DIAPH3: variants seen among roughly 807,000 people sequenced by gnomAD.
The protein encoded by DIAPH3 is diaphanous related formin 3.
Under a neutral mutation model 144.3 loss-of-function variants are expected in DIAPH3, and 117 were observed. The observed-to-expected ratio is 0.81, with a 90% CI of 0.70 to 0.95. The LOEUF is 0.95. Ranked by LOEUF, DIAPH3 falls within the 40% of genes least tolerant of loss-of-function variation. The pLI is 0.00. For synonymous variants in DIAPH3, 519 were observed against 488.9 expected (o/e 1.06, Z -0.81); for missense variants, 1,421 against 1,412.7 (o/e 1.01, Z -0.09).
chr13:60,152,340 GCA>G (rs1435992449), intron 1 of DIAPH3, among the ~76,000 whole-genome samples: 1 of 151,948 alleles, frequency 6.6e-6, no homozygotes, highest in East Asian at 1.9e-4. Context: ...ACATCCCTCA[GCA>G]CACAGAATGA....
At chr13:60,149,935 G>A (rs559763994) in intron 1 of DIAPH3, among the ~76,000 whole-genome samples, 1 of 152,208 alleles carries the variant, frequency 6.6e-6, no homozygotes, top group Non-Finnish European at 1.5e-5. Context: ...ACCTTAATTG[G>A]TGGTCTAGGA....
At chr13:60,149,887 A>C (rs1951705278) in intron 1 of DIAPH3, among the ~76,000 whole-genome samples, 1 of 152,152 alleles carries the variant, frequency 6.6e-6, no homozygotes, top group Non-Finnish European at 1.5e-5. Flanking sequence ...AAAAAGAAAA[A>C]ATAATAAATG....
chr13:59,868,338 T>C (rs1739984009), intron 21 of DIAPH3, among the ~76,000 whole-genome samples: 1 of 152,150 alleles, frequency 6.6e-6, no homozygotes, highest in Non-Finnish European at 1.5e-5. Flanking sequence ...GTTTAGATTG[T>C]TTATACAAAT....
At chr13:59,821,556 C>T (rs1215038584) in intron 24 of DIAPH3, among the ~76,000 whole-genome samples, 1 of 152,090 alleles carries the variant, frequency 6.6e-6, no homozygotes, top group Non-Finnish European at 1.5e-5. Flanking sequence ...ATCTACTTTT[C>T]AGTTTTCCAT....
chr13:60,075,846 C>T (rs779050797), intron 4 of DIAPH3, among the ~76,000 whole-genome samples: 3 of 152,224 alleles, frequency 2.0e-5, no homozygotes, highest in Admixed American at 6.5e-5. Flanking sequence ...TCTGGTGCCA[C>T]GGTCCTCCAG....
intron 17 of DIAPH3, among the ~76,000 whole-genome samples, chr13:59,969,527 G>A (rs1208668168): frequency 6.6e-6 from 1 of 152,084 alleles, no homozygotes; most frequent in Admixed American, 6.6e-5. Context: ...AATGCTATAT[G>A]CTATCCCTCT....
chr13:59,844,337 T>C (rs1303150811), intron 22 of DIAPH3, among the ~76,000 whole-genome samples: 1 of 151,882 alleles, frequency 6.6e-6, no homozygotes, highest in Non-Finnish European at 1.5e-5. Flanking sequence ...ACCCCGTCTC[T>C]ACTAAAAATA....
intron 2 of DIAPH3, among the ~76,000 whole-genome samples, chr13:60,124,209 C>CA (rs907813216): frequency 3.9e-5 from 6 of 152,118 alleles, no homozygotes; most frequent in Non-Finnish European, 8.8e-5. Context: ...TGAAAGCTTC[C>CA]ACTCACTCAC....
intron 14 of DIAPH3, among the ~76,000 whole-genome samples, chr13:59,976,388 T>C (rs774838225): frequency 6.6e-6 from 1 of 151,924 alleles, no homozygotes; most frequent in Non-Finnish European, 1.5e-5. Context: ...CAAAAATAAA[T>C]AAAGTTTAAA....
At chr13:59,822,448 A>ATTTT (rs898418277) in intron 24 of DIAPH3, among the ~76,000 whole-genome samples, 2 of 150,418 alleles carry the variant, frequency 1.3e-5, no homozygotes, top group South Asian at 2.1e-4. Context: ...TTATTTATTT[A>ATTTT]TTTTTTTTTG....
chr13:59,910,074 C>T (rs1157455185), intron 20 of DIAPH3, among the ~76,000 whole-genome samples: 2 of 152,002 alleles, frequency 1.3e-5, no homozygotes, highest in African/African-American at 4.8e-5. Context: ...GTTAGATAGA[C>T]ATTTTCATAT....
intron 1 of DIAPH3, among the ~76,000 whole-genome samples, chr13:60,149,464 A>C (rs1951682955): frequency 6.6e-6 from 1 of 152,234 alleles, no homozygotes; most frequent in South Asian, 2.1e-4. Flanking sequence ...GGAAGGATAC[A>C]AAAGAGCTAG....
chr13:60,163,823 T>C lies in DIAPH3; in HGVS notation c.-57A>G. ...GGTGGCCACTCAGCAAGCCGCAAGC[T>C]GGAAGCTGAGGGATCGACAACAGGT... On this transcript the variant is annotated 5_prime_UTR_variant, in exon 1 of 28. Transcript: ENST00000400324. 6.5e-7 allele frequency: 1 copy of C among 1,534,696 alleles called. No individual in the cohort carries two copies. The highest frequency in any genetic ancestry group is 2.4e-5 in the East Asian group (1 of 40,840).
chr13:59,671,411 A>G (rs1046404604), intron 27 of DIAPH3, among the ~76,000 whole-genome samples: 1 of 152,250 alleles, frequency 6.6e-6, no homozygotes, highest in African/African-American at 2.4e-5. Flanking sequence ...TTTTAAATGG[A>G]AACTAAAAAT....
At chr13:59,823,773 A>T (rs570921360) in intron 24 of DIAPH3, among the ~76,000 whole-genome samples, 1 of 152,338 alleles carries the variant, frequency 6.6e-6, no homozygotes, top group East Asian at 1.9e-4. Context: ...TGTGTAATCT[A>T]AATGATTTGG....
chr13:59,778,827 A>T (rs2038565450), intron 25 of DIAPH3, among the ~76,000 whole-genome samples: 1 of 152,236 alleles, frequency 6.6e-6, no homozygotes, highest in Non-Finnish European at 1.5e-5. Context: ...CTGATAAGTA[A>T]GTCCTACAGC....
At chr13:59,995,717 AAG>A in intron 9 of DIAPH3, among the ~76,000 whole-genome samples, 1 of 151,994 alleles carries the variant, frequency 6.6e-6, no homozygotes, top group African/African-American at 2.4e-5. Flanking sequence ...CAGGCTTGGG[AAG>A]AGAGAGGAAA....
chr13:59,735,049 A>T (rs761282298), intron 27 of DIAPH3, among the ~76,000 whole-genome samples: 28 of 152,172 alleles, frequency 1.8e-4, no homozygotes, highest in Non-Finnish European at 3.7e-4. Flanking sequence ...TATTCCAGAT[A>T]TGATGTCATG....
intron 5 of DIAPH3, among the ~76,000 whole-genome samples, chr13:60,028,893 T>C (rs1357711252): frequency 6.6e-6 from 1 of 152,034 alleles, no homozygotes; most frequent in African/African-American, 2.4e-5. Flanking sequence ...ACCCCATCTC[T>C]ACTAAAAATA....
Sources: allele counts gnomAD v4.1 joint callset (sites outside exome capture counted in the v4.1 genomes callset), GRCh38; gene constraint gnomAD v4.1.1; transcripts MANE v1.5; gene names NCBI Gene and HGNC (gene_info 2026-07-23, HGNC 2026-07-21).